FOXP2: variants seen among roughly 807,000 people sequenced by gnomAD.
FOXP2 encodes forkhead box protein P2.
FOXP2 carries 12 observed loss-of-function variants against 115.8 expected under a neutral mutation model. The ratio of observed to expected loss-of-function variants is 0.10; its 90% CI spans 0.07 to 0.17. The LOEUF is 0.17. Among genes scored for constraint, FOXP2 ranks in the 10% least tolerant of loss-of-function variants. The pLI is 1.00. For missense variants in FOXP2, 629 were observed against 843.5 expected (o/e 0.75, Z 3.15); for synonymous variants, 328 against 297.7 (o/e 1.10, Z -1.05).
intron 3 of FOXP2, among the ~76,000 whole-genome samples, chr7:114,571,188 T>C (rs547167842): frequency 6.6e-6 from 1 of 151,826 alleles, no homozygotes; most frequent in South Asian, 2.1e-4. Flanking sequence ...GATGAGGGAG[T>C]GTTGATATGC....
At chr7:114,381,597 C>A (rs1792297823) in intron 2 of FOXP2, among the ~76,000 whole-genome samples, 1 of 152,102 alleles carries the variant, frequency 6.6e-6, no homozygotes, top group Non-Finnish European at 1.5e-5. Context: ...TCCTTAAGGT[C>A]CAGGACTGTA....
chr7:114,124,774 C>G (rs566870456), intron 1 of FOXP2, among the ~76,000 whole-genome samples: 1 of 152,068 alleles, frequency 6.6e-6, no homozygotes, highest in African/African-American at 2.4e-5. Context: ...TCCACCTTAC[C>G]CCTTTCTCCA....
At chr7:114,323,132 C>T (rs1197773710) in intron 2 of FOXP2, among the ~76,000 whole-genome samples, 1 of 152,044 alleles carries the variant, frequency 6.6e-6, no homozygotes, top group African/African-American at 2.4e-5. Context: ...TGTTTTCTAC[C>T]ATCTATGGGT....
chr7:114,218,561 G>C (rs749454786), intron 1 of FOXP2, among the ~76,000 whole-genome samples: 1 of 152,110 alleles, frequency 6.6e-6, no homozygotes. Flanking sequence ...AAGACAGAAA[G>C]CTCATCAAGA....
At chr7:114,613,974 T>C (rs1803780383) in intron 3 of FOXP2, 1 of 152,194 alleles carries the variant, frequency 6.6e-6, no homozygotes, top group South Asian at 2.1e-4. Flanking sequence ...CAGTCTCCTA[T>C]TGATTGTCAT....
At chr7:114,539,427 T>C (rs1429688421) in intron 3 of FOXP2, among the ~76,000 whole-genome samples, 2 of 151,952 alleles carry the variant, frequency 1.3e-5, no homozygotes, top group African/African-American at 4.8e-5. Context: ...AAAATTGAGA[T>C]ACGGGTTTAA....
At chr7:114,487,412 G>C (rs761927923) in intron 2 of FOXP2, among the ~76,000 whole-genome samples, 1 of 152,138 alleles carries the variant, frequency 6.6e-6, no homozygotes, top group East Asian at 1.9e-4. Context: ...CTCTGGGCCT[G>C]TGAAGGAGGG....
chr7:114,142,257 C>T (rs541025939), intron 1 of FOXP2, among the ~76,000 whole-genome samples: 31 of 152,056 alleles, frequency 2.0e-4, no homozygotes, highest in Non-Finnish European at 4.1e-4. Context: ...CTCCTGACCT[C>T]GTGATCCACC....
intron 1 of FOXP2, among the ~76,000 whole-genome samples, chr7:114,097,787 C>A (rs1014029509): frequency 6.6e-6 from 1 of 152,090 alleles, no homozygotes; most frequent in African/African-American, 2.4e-5. Context: ...GATATAAGAC[C>A]CAGTCAGATT....
chr7:114,617,220 T>G (rs1233461151), intron 3 of FOXP2, among the ~76,000 whole-genome samples: 1 of 152,232 alleles, frequency 6.6e-6, no homozygotes, highest in Non-Finnish European at 1.5e-5. Context: ...TCCTGTATTC[T>G]TTACCATCAT....
chr7:114,539,124 AT>A (rs1799531550), intron 3 of FOXP2, among the ~76,000 whole-genome samples: 1 of 151,912 alleles, frequency 6.6e-6, no homozygotes, highest in South Asian at 2.1e-4. Context: ...AAAACCAGAA[AT>A]TCTATAGTAA....
chr7:114,501,593 A>G (rs926349025), intron 2 of FOXP2, among the ~76,000 whole-genome samples: 4 of 152,156 alleles, frequency 2.6e-5, no homozygotes, highest in Non-Finnish European at 5.9e-5. Context: ...GTATCATGAA[A>G]AGGTGTGCAA....
At chr7:114,461,458 A>ATTT (rs1795556474) in intron 2 of FOXP2, among the ~76,000 whole-genome samples, 1 of 150,408 alleles carries the variant, frequency 6.6e-6, no homozygotes, top group South Asian at 2.1e-4. Context: ...TATATGTGTT[A>ATTT]TTTTTCTGAG....
chr7:114,364,628 A>G (rs905712741), intron 2 of FOXP2, among the ~76,000 whole-genome samples: 2 of 152,172 alleles, frequency 1.3e-5, no homozygotes, highest in African/African-American at 2.4e-5. Flanking sequence ...TTTTATAACT[A>G]TATTTGACAA....
intron 2 of FOXP2, among the ~76,000 whole-genome samples, chr7:114,511,911 A>G (rs1798096940): frequency 6.6e-6 from 1 of 152,168 alleles, no homozygotes; most frequent in Non-Finnish European, 1.5e-5. Context: ...ATTTTCAGTA[A>G]TATGGCTTAA....
At chr7:114,378,717 A>AGAAAGT (rs1792205152) in intron 2 of FOXP2, among the ~76,000 whole-genome samples, 1 of 148,858 alleles carries the variant, frequency 6.7e-6, no homozygotes, top group Admixed American at 6.7e-5. Flanking sequence ...AGAAAAAGAA[A>AGAAAGT]GAAAGTGAAA....
At chr7:114,472,993 C>G (rs570280967) in intron 2 of FOXP2, among the ~76,000 whole-genome samples, 1 of 152,254 alleles carries the variant, frequency 6.6e-6, no homozygotes, top group East Asian at 1.9e-4. Flanking sequence ...CAGCAGACAT[C>G]ATGATAAGTA....
intron 2 of FOXP2, among the ~76,000 whole-genome samples, chr7:114,533,424 A>G (rs1799234712): frequency 6.6e-6 from 1 of 151,900 alleles, no homozygotes; most frequent in Non-Finnish European, 1.5e-5. Context: ...CATTGTTCAC[A>G]CCAGCTGGCA....
At chr7:114,184,649 A>G (rs796767206) in intron 1 of FOXP2, among the ~76,000 whole-genome samples, 3 of 152,280 alleles carry the variant, frequency 2.0e-5, no homozygotes, top group African/African-American at 7.2e-5. Context: ...GTTTCAAATG[A>G]GACATGCAGC....
Sources: allele counts gnomAD v4.1 joint callset (sites outside exome capture counted in the v4.1 genomes callset), GRCh38; gene constraint gnomAD v4.1.1; transcripts MANE v1.5; gene names NCBI Gene and HGNC (gene_info 2026-07-23, HGNC 2026-07-21).